The following ADK variants were observed in gnomAD, a reference collection of about 807,000 sequenced individuals.
ADK encodes the protein N6,N6-dimethyladenosine kinase.
A neutral mutation model predicts 44.7 loss-of-function variants in ADK; 24 were observed. The observed-to-expected ratio is 0.54, with a 90% CI of 0.39 to 0.76. ADK has a LOEUF of 0.76. Among genes scored for constraint, ADK ranks in the 30% least tolerant of loss-of-function variants. ADK has a pLI of 0.00. For missense variants in ADK, 321 were observed against 425.1 expected (o/e 0.76, Z 2.15); for synonymous variants, 128 against 142.6 (o/e 0.90, Z 0.73).
chr10:74,404,093 C>T (rs892759502), intron 6 of ADK, among the ~76,000 whole-genome samples: 36 of 151,668 alleles, frequency 2.4e-4, no homozygotes, highest in African/African-American at 6.3e-4. Flanking sequence ...AGGATGGTCT[C>T]GATCTCCTGA....
intron 4 of ADK, among the ~76,000 whole-genome samples, chr10:74,355,287 G>A (rs114574495): frequency 1.1e-3 from 162 of 152,260 alleles, no homozygotes; most frequent in Middle Eastern, 3.4e-3. Context: ...AAGATTACTT[G>A]GAATTGTTAA....
chr10:74,517,624 G>A (rs1262910163), intron 6 of ADK, among the ~76,000 whole-genome samples: 1 of 151,710 alleles, frequency 6.6e-6, no homozygotes, highest in Non-Finnish European at 1.5e-5. Flanking sequence ...AGGAGGTCGA[G>A]GGTGCACTGA....
rs534803677 is a variant in ADK at position 74,694,421 on chromosome 10, T to TA, written c.965-13898dup. 3.6e-3 allele frequency among the ~76,000 whole-genome samples: 547 copies of TA among 151,998 alleles called. 6 individuals carry two copies. The highest frequency in any genetic ancestry group is 0.013 in the African/African-American group (518 of 41,376). ...AAAAAGAAAAAGAAACTTATTTATT[T>TA]AATTTCCTCTCTTTAAAGGTATCAT... On this transcript the variant is annotated intron_variant, in intron 10 of 10. Coordinates refer to ENST00000539909, the MANE Select transcript of ADK (RefSeq NM_006721.4).
chr10:74,435,077 T>A (rs1396822347), intron 6 of ADK, among the ~76,000 whole-genome samples: 1 of 152,188 alleles, frequency 6.6e-6, no homozygotes. Context: ...AGTAGGCACA[T>A]TACATCGAGT....
intron 6 of ADK, among the ~76,000 whole-genome samples, chr10:74,403,524 C>G (rs1364952282): frequency 1.3e-5 from 2 of 150,842 alleles, no homozygotes; most frequent in African/African-American, 4.8e-5. Flanking sequence ...AGCAAGGTTC[C>G]ATGGGCATGG....
chr10:74,696,820 TCTTAGTGAAGGC>T (rs1328322618), intron 10 of ADK, among the ~76,000 whole-genome samples: 1 of 152,202 alleles, frequency 6.6e-6, no homozygotes, highest in Middle Eastern at 3.2e-3. Context: ...ATAAATAATC[TCTTAGTGAAGGC>T]CTGAGGGGTC....
At chr10:74,626,121 T>G (rs1169930317) in intron 9 of ADK, among the ~76,000 whole-genome samples, 1 of 152,152 alleles carries the variant, frequency 6.6e-6, no homozygotes, top group East Asian at 1.9e-4. Flanking sequence ...AATAGGTGTT[T>G]AAAATAATAT....
At chr10:74,260,024 G>A (rs562790231) in intron 3 of ADK, among the ~76,000 whole-genome samples, 1 of 151,944 alleles carries the variant, frequency 6.6e-6, no homozygotes, top group East Asian at 1.9e-4. Context: ...GGAACCCCTA[G>A]GACTCTGACC....
intron 3 of ADK, among the ~76,000 whole-genome samples, chr10:74,277,888 T>C (rs771700481): frequency 7.2e-5 from 11 of 152,248 alleles, no homozygotes; most frequent in Non-Finnish European, 1.3e-4. Flanking sequence ...TAATGTTTTA[T>C]GTATATTTGA....
At chr10:74,244,869 G>A (rs1845355976) in intron 3 of ADK, among the ~76,000 whole-genome samples, 2 of 152,174 alleles carry the variant, frequency 1.3e-5, no homozygotes, top group Admixed American at 1.3e-4. Flanking sequence ...ATTGAATGAC[G>A]ATCCATTAGA....
At chr10:74,597,067 T>C (rs59089739) in intron 8 of ADK, among the ~76,000 whole-genome samples, 6,566 of 152,278 alleles carry the variant, frequency 0.043, 437 homozygotes, top group African/African-American at 0.14. Context: ...ATGTTCCATA[T>C]TCAAAACTCT....
At chr10:74,349,213 C>T (rs1841877568) in intron 4 of ADK, among the ~76,000 whole-genome samples, 1 of 152,228 alleles carries the variant, frequency 6.6e-6, no homozygotes, top group South Asian at 2.1e-4. Flanking sequence ...AATAGCAGAT[C>T]TCTCTGCAGA....
At chr10:74,577,411 C>A (rs1240544105) in intron 7 of ADK, among the ~76,000 whole-genome samples, 1 of 151,844 alleles carries the variant, frequency 6.6e-6, no homozygotes, top group Admixed American at 6.6e-5. Flanking sequence ...GAAAATAATA[C>A]TGGTTATTGG....
At chr10:74,264,701 C>G (rs1024383513) in intron 3 of ADK, among the ~76,000 whole-genome samples, 2 of 152,152 alleles carry the variant, frequency 1.3e-5, no homozygotes, top group Admixed American at 6.5e-5. Context: ...TTACTTCCTA[C>G]TCTAAGGTCA....
intron 9 of ADK, among the ~76,000 whole-genome samples, chr10:74,610,991 A>G (rs1852518209): frequency 6.6e-6 from 1 of 152,080 alleles, no homozygotes; most frequent in African/African-American, 2.4e-5. Context: ...ATGTGTTTCC[A>G]ATTAAATAGG....
At chr10:74,654,647 A>C (rs1213363990) in intron 9 of ADK, among the ~76,000 whole-genome samples, 1 of 152,180 alleles carries the variant, frequency 6.6e-6, no homozygotes, top group Non-Finnish European at 1.5e-5. Flanking sequence ...CCCCGTCTCT[A>C]CTAAAGATAC....
At chr10:74,282,980 C>T (rs943695084) in intron 3 of ADK, among the ~76,000 whole-genome samples, 8 of 152,114 alleles carry the variant, frequency 5.3e-5, no homozygotes, top group Admixed American at 2.6e-4. Flanking sequence ...GATTTACTGA[C>T]GTAGAAGCAA....
At chr10:74,240,305 A>G (rs1440260550) in intron 3 of ADK, among the ~76,000 whole-genome samples, 1 of 152,090 alleles carries the variant, frequency 6.6e-6, no homozygotes, top group Admixed American at 6.6e-5. Flanking sequence ...TAAAGATGAT[A>G]TATAATCCTA....
At chr10:74,416,561 T>C (rs1487324177) in intron 6 of ADK, among the ~76,000 whole-genome samples, 5 of 106,122 alleles carry the variant, frequency 4.7e-5, no homozygotes, top group Non-Finnish European at 1.1e-4. Flanking sequence ...TGTTTTTGTT[T>C]TTGTTTCTGT....
Sources: allele counts gnomAD v4.1 joint callset (sites outside exome capture counted in the v4.1 genomes callset), GRCh38; gene constraint gnomAD v4.1.1; transcripts MANE v1.5; gene names NCBI Gene and HGNC (gene_info 2026-07-23, HGNC 2026-07-21).